The following PRPSAP2 variants were observed in gnomAD, a reference collection of about 807,000 sequenced individuals.
PRPSAP2 encodes the protein phosphoribosyl pyrophosphate synthase-associated protein 2.
Under a neutral mutation model 40.6 loss-of-function variants are expected in PRPSAP2, and 24 were observed. The observed-to-expected ratio is 0.59, with a 90% CI of 0.43 to 0.83. PRPSAP2 has a LOEUF of 0.83. Among genes scored for constraint, PRPSAP2 ranks in the 40% least tolerant of loss-of-function variants. The pLI is 0.00. For missense variants in PRPSAP2, 292 were observed against 465.6 expected (o/e 0.63, Z 3.43); for synonymous variants, 149 against 164.7 (o/e 0.90, Z 0.73).
intron 8 of PRPSAP2, among the ~76,000 whole-genome samples, chr17:18,897,453 G>GTGGTGTTGTTGTTGTTGT (rs1555555754): frequency 5.3e-5 from 8 of 150,598 alleles, no homozygotes; most frequent in African/African-American, 2.0e-4. Context: ...CTCTATAGTG[G>GTGGTGTTGTTGTTGTTGT]TGTTGTTGTT....
chr17:18,907,338 T>G (rs2040659427), intron 8 of PRPSAP2, among the ~76,000 whole-genome samples: 1 of 152,184 alleles, frequency 6.6e-6, no homozygotes, highest in Non-Finnish European at 1.5e-5. Context: ...AGGGGTCAGT[T>G]CTTCAAGAGG....
At chr17:18,882,337 C>CAAGG (rs1453924087) in intron 6 of PRPSAP2, among the ~76,000 whole-genome samples, 2 of 151,598 alleles carry the variant, frequency 1.3e-5, no homozygotes, top group African/African-American at 2.4e-5. Flanking sequence ...TATGATGAAA[C>CAAGG]CCCTTCTCTA....
intron 5 of PRPSAP2, among the ~76,000 whole-genome samples, chr17:18,872,980 C>CTA (rs1322622110): frequency 6.6e-6 from 1 of 151,194 alleles, no homozygotes; most frequent in Non-Finnish European, 1.5e-5. Flanking sequence ...GTAGCTGGTA[C>CTA]TACAGTTGGC....
At position 18,872,662 on chromosome 17, in the gene PRPSAP2, C is replaced by A; in HGVS notation, c.239+13C>A. On this transcript the variant is annotated intron_variant, in intron 5 of 11. Transcript: ENST00000268835. ...AAACTGTTTCGAAGTGAGTATCCAGCAAAAGTGTTGCTTTCTGGGTTTCAG... is the reference window on the plus strand; with the variant it reads ...AAACTGTTTCGAAGTGAGTATCCAGAAAAAGTGTTGCTTTCTGGGTTTCAG... 1.3e-6 allele frequency: 2 copies of A among 1,570,644 alleles called. No homozygotes were observed. Among genetic ancestry groups the A allele is most frequent in the South Asian group, 1.1e-5 (1 of 89,542 alleles).
chr17:18,930,508 G>A (rs2042206895), intron 11 of PRPSAP2, 32 bp from the exon 12 acceptor site: 1 of 1,599,636 alleles, frequency 6.3e-7, no homozygotes, highest in African/African-American at 1.3e-5. Flanking sequence ...TTGGCTTTCT[G>A]ATGCTGTGGT....
intron 6 of PRPSAP2, 104 bp downstream of exon 6, chr17:18,877,974 T>C (rs903901930): frequency 1.6e-6 from 2 of 1,253,324 alleles, no homozygotes; most frequent in Non-Finnish European, 2.2e-6. Context: ...TAGGCTGGAG[T>C]GTAGTGGCGT....
chr17:18,869,836 TTTTTTTTGTGTG>T (rs2037719699), intron 4 of PRPSAP2, among the ~76,000 whole-genome samples: 1 of 141,266 alleles, frequency 7.1e-6, no homozygotes, highest in African/African-American at 2.8e-5. Flanking sequence ...TTTTGCTACT[TTTTTTTTGTGTG>T]TGTGTGTGTG....
In PRPSAP2 at chr17:18,922,667, AATT is replaced by A. The variant is rs1435432201; in HGVS notation, c.734-1246_734-1244del. ...GCATATGGCGCATATATATATATAT[AATT>A]TTTTTTTTTTTTTTTTTTTTTGCGA... On this transcript the variant is annotated intron_variant, in intron 9 of 11. Transcript: ENST00000268835. Among the ~76,000 whole-genome samples, 3 of 123,322 alleles carry A rather than the reference AATT, an allele frequency of 2.4e-5. No individual in the cohort carries two copies. In the South Asian group the frequency reaches 7.3e-4, roughly 30 times the overall value. The allele number at this position is 123,322 out of a possible 152,430, so 80.9% of individuals were successfully genotyped here.
intron 3 of PRPSAP2, 141 bp downstream of exon 3, chr17:18,866,093 CT>C (rs531524791): frequency 4.8e-5 from 27 of 562,866 alleles, no homozygotes; most frequent in East Asian, 1.2e-4. Flanking sequence ...CATCATGTAT[CT>C]TTTTTTTCAT....
At chr17:18,862,001 C>G (rs994024828) in intron 1 of PRPSAP2, among the ~76,000 whole-genome samples, 4 of 152,302 alleles carry the variant, frequency 2.6e-5, no homozygotes, top group African/African-American at 9.6e-5. Flanking sequence ...GATTCACCTG[C>G]CTCAGCCTCG....
At chr17:18,898,404 A>G (rs2040056260) in intron 8 of PRPSAP2, among the ~76,000 whole-genome samples, 3 of 152,328 alleles carry the variant, frequency 2.0e-5, no homozygotes, top group South Asian at 4.1e-4. Context: ...CTGATATTCC[A>G]AAGTTTAGTT....
At position 18,888,987 on chromosome 17, in the gene PRPSAP2, G is replaced by C. The variant is rs190813869; in HGVS notation, c.529-835G>C. On this transcript the variant is annotated intron_variant, in intron 7 of 11. Transcript: ENST00000268835. ...TTCTTGGTTCTGTCTTTTCTTGGCT[G>C]GGTTTGGTAATGTTTGATGATGTTT... Among the ~76,000 whole-genome samples, 10 of 152,314 alleles carry C rather than the reference G, an allele frequency of 6.6e-5. No homozygotes were observed. The East Asian group carries it at 1.9e-3, about 29-fold the overall frequency.
At chr17:18,921,259 T>C (rs549991797) in intron 9 of PRPSAP2, among the ~76,000 whole-genome samples, 42 of 148,546 alleles carry the variant, frequency 2.8e-4, no homozygotes, top group African/African-American at 9.7e-4. Context: ...AAAACACTTT[T>C]CCCATACTTT....
intron 9 of PRPSAP2, among the ~76,000 whole-genome samples, chr17:18,917,876 T>C (rs2041461746): frequency 6.6e-6 from 1 of 151,970 alleles, no homozygotes; most frequent in South Asian, 2.1e-4. Flanking sequence ...AGAGTCAGTC[T>C]TCCCTGGTGT....
intron 10 of PRPSAP2, among the ~76,000 whole-genome samples, chr17:18,924,497 G>T (rs1322850504): frequency 5.3e-5 from 8 of 152,106 alleles, no homozygotes; most frequent in African/African-American, 1.9e-4. Context: ...GGCTGGGCGC[G>T]TTGGCTCATG....
intron 9 of PRPSAP2, among the ~76,000 whole-genome samples, chr17:18,913,895 G>C (rs987314923): frequency 1.3e-5 from 2 of 151,610 alleles, no homozygotes; most frequent in Non-Finnish European, 2.9e-5. Context: ...TTGCTTGGTG[G>C]CTGGGCGCGG....
intron 9 of PRPSAP2, among the ~76,000 whole-genome samples, chr17:18,921,477 A>G (rs762451814): frequency 2.1e-4 from 32 of 152,090 alleles, no homozygotes; most frequent in Non-Finnish European, 4.1e-4. Flanking sequence ...GTTTTGTTAC[A>G]CTTTTTTGCC....
intron 8 of PRPSAP2, chr17:18,909,011 T>G (rs2040786207): frequency 4.0e-6 from 1 of 251,340 alleles, no homozygotes; most frequent in Non-Finnish European, 7.9e-6. Context: ...AAAAAAAGAT[T>G]AAAGCATAAA....
At chr17:18,928,596 G>A in intron 10 of PRPSAP2, 1 of 559,018 alleles carries the variant, frequency 1.8e-6, no homozygotes, top group South Asian at 1.7e-5. Context: ...CTCCAATAGT[G>A]GCAGGTGCTG....
Sources: gnomAD v4.1 joint callset for allele counts (sites outside exome capture counted in the v4.1 genomes callset) on GRCh38, gnomAD v4.1.1 for gene constraint, MANE v1.5 for transcripts, NCBI Gene and HGNC (gene_info 2026-07-23, HGNC 2026-07-21) for gene names.